LINGO2: variants seen among roughly 807,000 people sequenced by gnomAD.
LINGO2 encodes the protein leucine-rich repeat and immunoglobulin-like domain-containing nogo receptor-interacting protein 2.
Under a neutral mutation model 30.6 loss-of-function variants are expected in LINGO2, and 14 were observed. The ratio of observed to expected loss-of-function variants is 0.46; its 90% confidence interval spans 0.30 to 0.72. The LOEUF (loss-of-function observed/expected upper bound fraction) is 0.72, where lower values mean the gene tolerates loss of function less well. Ranked by LOEUF, LINGO2 falls within the 30% of genes least tolerant of loss-of-function variation. The pLI, the probability that LINGO2 is intolerant of heterozygous loss-of-function variation, is 0.07. For synonymous variants in LINGO2, 317 were observed against 288.5 expected (o/e 1.10, Z -1.00); for missense variants, 729 against 751.7 (o/e 0.97, Z 0.35).
In LINGO2 at chr9:27,975,098, A is replaced by G. The variant is rs146601796; in HGVS notation, c.-35-24392T>C. On this transcript the variant is annotated intron_variant, in intron 5 of 5. Coordinates refer to ENST00000379992, the Ensembl canonical transcript of LINGO2. ...AGAGGCATTTTTTTCCTCATGATGT[A>G]TTTAGCTTTAAGGACTGTGTAGAAA... Among the ~76,000 whole-genome samples the G allele has an allele frequency of 5.0e-3, 761 of 152,214 alleles. 3 individuals are homozygous for G. The highest frequency in any genetic ancestry group is 8.8e-3 in the Non-Finnish European group (598 of 68,000).
intron 4 of LINGO2, among the ~76,000 whole-genome samples, chr9:28,049,896 G>T (rs944979150): frequency 6.6e-6 from 1 of 150,692 alleles, no homozygotes; most frequent in Non-Finnish European, 1.5e-5. Context: ...AGAGCAACAT[G>T]ATCAGGGTTG....
At chr9:29,101,989 T>C in the LINGO2 span, among the ~76,000 whole-genome samples, 2 of 152,180 alleles carry the variant, frequency 1.3e-5, no homozygotes, top group African/African-American at 2.4e-5. Context: ...CCAGCTTCCA[T>C]AGTGCTTTAT....
At chr9:28,387,316 C>T (rs992505444) in intron 2 of LINGO2, among the ~76,000 whole-genome samples, 8 of 151,750 alleles carry the variant, frequency 5.3e-5, no homozygotes, top group African/African-American at 1.5e-4. Flanking sequence ...ACTATAAAAA[C>T]GCACCAATTG....
At chr9:28,712,052 T>C in the LINGO2 span, among the ~76,000 whole-genome samples, 1 of 152,024 alleles carries the variant, frequency 6.6e-6, no homozygotes, top group Non-Finnish European at 1.5e-5. Flanking sequence ...AGTCCAGCAA[T>C]TATATAAAAA....
intron 1 of LINGO2, among the ~76,000 whole-genome samples, chr9:28,584,565 C>G (rs1824435453): frequency 6.6e-6 from 1 of 151,878 alleles, no homozygotes; most frequent in Non-Finnish European, 1.5e-5. Flanking sequence ...AAAAATTATC[C>G]CTGTGTCGAA....
chr9:28,314,958 C>T (rs1292072019), intron 3 of LINGO2, among the ~76,000 whole-genome samples: 6 of 148,926 alleles, frequency 4.0e-5, no homozygotes, highest in African/African-American at 1.5e-4. Flanking sequence ...CGCAGTGAGC[C>T]GAGATCGCGC....
chr9:29,105,284 T>G, the LINGO2 span, among the ~76,000 whole-genome samples: 1 of 152,154 alleles, frequency 6.6e-6, no homozygotes, highest in Non-Finnish European at 1.5e-5. Context: ...TAATTTAAAT[T>G]GTCACGTCAG....
intron 1 of LINGO2, among the ~76,000 whole-genome samples, chr9:28,610,749 A>T (rs1048733648): frequency 5.9e-5 from 9 of 152,208 alleles, no homozygotes; most frequent in African/African-American, 1.9e-4. Flanking sequence ...AGAACAAAAA[A>T]GCTAAGTCAT....
the LINGO2 span, among the ~76,000 whole-genome samples, chr9:28,736,786 A>G: frequency 9.2e-5 from 14 of 152,112 alleles, no homozygotes; most frequent in Non-Finnish European, 1.9e-4. Flanking sequence ...GCGAAACTCT[A>G]TCACAAAATA....
At chr9:28,031,842 A>G (rs564319776) in intron 4 of LINGO2, among the ~76,000 whole-genome samples, 2 of 152,296 alleles carry the variant, frequency 1.3e-5, no homozygotes, top group East Asian at 1.9e-4. Flanking sequence ...TAGTGATTCT[A>G]TTCTTAAACT....
At chr9:28,457,672 C>T (rs1210047333) in intron 2 of LINGO2, among the ~76,000 whole-genome samples, 1 of 152,070 alleles carries the variant, frequency 6.6e-6, no homozygotes, top group Non-Finnish European at 1.5e-5. Flanking sequence ...CTTAGGCAAT[C>T]CTCCTCCCTC....
At chr9:28,123,627 C>G (rs370842372) in intron 4 of LINGO2, among the ~76,000 whole-genome samples, 3 of 152,020 alleles carry the variant, frequency 2.0e-5, no homozygotes, top group Non-Finnish European at 1.5e-5. Flanking sequence ...AAATGTGAAC[C>G]CTTCTATAAA....
At chr9:28,866,113 C>G in the LINGO2 span, among the ~76,000 whole-genome samples, 4 of 152,078 alleles carry the variant, frequency 2.6e-5, no homozygotes, top group African/African-American at 9.7e-5. Context: ...CCCACATTTT[C>G]TGTCAAATAT....
chr9:28,811,826 CCATTCATT>C, the LINGO2 span, among the ~76,000 whole-genome samples: 5 of 151,884 alleles, frequency 3.3e-5, no homozygotes, highest in African/African-American at 9.7e-5. Flanking sequence ...TATTCATTTG[CCATTCATT>C]CATTCATTCA....
At chr9:29,018,751 C>T in the LINGO2 span, among the ~76,000 whole-genome samples, 1 of 147,122 alleles carries the variant, frequency 6.8e-6, no homozygotes, top group South Asian at 2.1e-4. Flanking sequence ...TAGATCTGAA[C>T]GAAGTGTTTG....
chr9:29,051,200 T>C, the LINGO2 span, among the ~76,000 whole-genome samples: 3 of 152,180 alleles, frequency 2.0e-5, no homozygotes, highest in African/African-American at 7.2e-5. Context: ...TTATACATTC[T>C]ACGGGTTTGG....
chr9:28,307,003 A>C (rs1431634401), intron 3 of LINGO2, among the ~76,000 whole-genome samples: 1 of 152,154 alleles, frequency 6.6e-6, no homozygotes, highest in African/African-American at 2.4e-5. Flanking sequence ...CAGAGGTACA[A>C]GGAGGAACTG....
At chr9:29,009,870 A>G in the LINGO2 span, among the ~76,000 whole-genome samples, 1 of 152,184 alleles carries the variant, frequency 6.6e-6, no homozygotes, top group Non-Finnish European at 1.5e-5. Context: ...CTCAGAAATA[A>G]TACCACACAT....
chr9:28,193,153 T>A (rs532793170), intron 4 of LINGO2, among the ~76,000 whole-genome samples: 2 of 152,270 alleles, frequency 1.3e-5, no homozygotes, highest in African/African-American at 4.8e-5. Context: ...TGAATTTTTT[T>A]ATGTTATAGC....
Sources: gnomAD v4.1 joint callset for allele counts (sites outside exome capture counted in the v4.1 genomes callset) on GRCh38, gnomAD v4.1.1 for gene constraint, MANE v1.5 for transcripts, NCBI Gene and HGNC (gene_info 2026-07-23, HGNC 2026-07-21) for gene names.